The following PTH1R variants were observed in gnomAD, a reference collection of about 807,000 sequenced individuals.
The protein encoded by PTH1R is parathyroid hormone/parathyroid hormone-related peptide receptor.
In PTH1R, 32 loss-of-function variants were observed where a neutral mutation model predicts 70.7. The ratio of observed to expected loss-of-function variants is 0.45; its 90% CI spans 0.34 to 0.61. The LOEUF is 0.61. Among genes scored for constraint, PTH1R ranks in the 20% least tolerant of loss-of-function variants. The pLI, the probability that PTH1R is intolerant of heterozygous loss-of-function variation, is 0.01. For missense variants in PTH1R, 626 were observed against 792.5 expected, an observed-to-expected ratio of 0.79 and a Z score of 2.52; for synonymous variants, 329 against 324.8, an observed-to-expected ratio of 1.01 and a Z score of -0.14.
chr3:46,883,100 C>A lies in PTH1R; in HGVS notation c.-48-412C>A, dbSNP rs1051832286. 1.3e-5 allele frequency among the ~76,000 whole-genome samples: 2 copies of A among 151,574 alleles called. No individual in the cohort carries two copies. The highest frequency in any genetic ancestry group is 3.0e-5 in the Non-Finnish European group (2 of 67,768). On this transcript the variant is annotated intron_variant, in intron 2 of 15. Transcript: ENST00000449590. The surrounding 1 kb of genome is among the most constrained non-coding windows in gnomAD (Gnocchi z 6.4). ...CGACCCCTCCCCCGCCCCCTCCCCCCACTGGGCGTGGGGCGAAGCCACAGC... is the reference window on the plus strand; with the variant it reads ...CGACCCCTCCCCCGCCCCCTCCCCCAACTGGGCGTGGGGCGAAGCCACAGC...
rs763380608 is a variant in PTH1R, at chr3:46,899,469, A to G, written c.988+13A>G. ...GTCTTCGGCTGGGGTACGCGGGCAC[A>G]GCGGGTAGCGAGGTGCCGGCAGGGG... On this transcript the variant is annotated intron_variant, in intron 10 of 15. Transcript: ENST00000449590. The G allele has an allele frequency of 6.2e-7, 1 of 1,607,650 alleles. No individual in the cohort carries two copies. The highest frequency in any genetic ancestry group is 8.5e-7 in the Non-Finnish European group (1 of 1,176,832).
intron 5 of PTH1R, among the ~76,000 whole-genome samples, chr3:46,897,609 T>C (rs2031825668): frequency 6.6e-6 from 1 of 152,094 alleles, no homozygotes. Flanking sequence ...CGCATGCCTG[T>C]AATCCCAGCT....
chr3:46,895,161 T>A (rs1331467065), intron 4 of PTH1R, among the ~76,000 whole-genome samples: 1 of 149,852 alleles, frequency 6.7e-6, no homozygotes, highest in Admixed American at 6.6e-5. Flanking sequence ...ATTAGGCATC[T>A]CAACGGCCAC....
At position 46,893,380 on chromosome 3, in the gene PTH1R, C is replaced by T. The variant is rs537679964; in HGVS notation, c.76-527C>T. ...GGAGGGGAGGCATTGAGGCACTCACCGTTCACTGGGGACAGCATTGACTGG... is the reference window on the plus strand; with the variant it reads ...GGAGGGGAGGCATTGAGGCACTCACTGTTCACTGGGGACAGCATTGACTGG... On this transcript the variant is annotated intron_variant, in intron 3 of 15. Transcript: ENST00000449590. This position sits in a 1 kb window ranked among gnomAD's most constrained non-coding sequence, Gnocchi z 5.2. Among the ~76,000 whole-genome samples, 4 of 152,220 alleles carry T rather than the reference C, an allele frequency of 2.6e-5. No individual in the cohort carries two copies. Among genetic ancestry groups the T allele is most frequent in the East Asian group, 3.9e-4 (2 of 5,176 alleles).
At chr3:46,895,682 G>GA in intron 4 of PTH1R, 53 bp from the exon 5 acceptor site, 1 of 1,613,358 alleles carries the variant, frequency 6.2e-7, no homozygotes, top group Non-Finnish European at 8.5e-7. Context: ...AGTACCCTGG[G>GA]TCTCCTGTTG....
At chr3:46,885,414 A>G (rs1014980355) in intron 3 of PTH1R, among the ~76,000 whole-genome samples, 3 of 152,174 alleles carry the variant, frequency 2.0e-5, no homozygotes, top group Non-Finnish European at 4.4e-5. Context: ...TAGCTAGTCT[A>G]ATCCTCCCAA....
At chr3:46,900,622 TG>T (rs2032059631) in intron 10 of PTH1R, among the ~76,000 whole-genome samples, 2 of 151,788 alleles carry the variant, frequency 1.3e-5, no homozygotes, top group East Asian at 1.9e-4. Context: ...AACCAGGTTG[TG>T]GGGGGTGCTG....
In PTH1R at chr3:46,879,263, AG is replaced by A. The variant is rs2030411530; in HGVS notation, c.-106+1421del. Reference sequence around the variant, plus strand: ...GCCCACCCTCATCCTCCCAAGTACAAGTAGTATGTTTCCAAATCTCAAGTTT... The same window carrying A: ...GCCCACCCTCATCCTCCCAAGTACAATAGTATGTTTCCAAATCTCAAGTTT... On this transcript the variant is annotated intron_variant, in intron 1 of 15. Coordinates refer to ENST00000449590, the MANE Select transcript of PTH1R (RefSeq NM_000316.3). This position sits in a 1 kb window ranked among gnomAD's most constrained non-coding sequence, Gnocchi z 4.7. Among the ~76,000 whole-genome samples the A allele has an allele frequency of 6.6e-6, 1 of 152,158 alleles. No homozygotes were observed. Among genetic ancestry groups the A allele is most frequent in the Middle Eastern group, 3.2e-3 (1 of 316 alleles).
Position 46,895,634 on chromosome 3 carries a change from A to ACC in PTH1R, c.179-95_179-94dup, listed in dbSNP as rs917584495. 3.2e-6 allele frequency: 5 copies of ACC among 1,579,102 alleles called. No homozygotes were observed. In the African/African-American group the frequency reaches 4.1e-5, roughly 13 times the overall value. On this transcript the variant is annotated intron_variant, in intron 4 of 15. Coordinates refer to ENST00000449590, the MANE Select transcript of PTH1R (RefSeq NM_000316.3). The stretch of plus-strand genomic sequence containing the variant: ...CTAGGTGTCACCAGGGCAGGAGACA[A>ACC]CCCCCCCATTGTACAAAGGGGGAGT...
At chr3:46,895,922 C>T (rs978136406) in intron 5 of PTH1R, 53 bp downstream of exon 5, 1 of 1,587,736 alleles carries the variant, frequency 6.3e-7, no homozygotes, top group African/African-American at 1.3e-5. Flanking sequence ...TCCACCCACC[C>T]CCATTGCACT....
chr3:46,886,540 G>A (rs993967726), intron 3 of PTH1R, among the ~76,000 whole-genome samples: 4 of 152,168 alleles, frequency 2.6e-5, no homozygotes, highest in Non-Finnish European at 5.9e-5. Flanking sequence ...TGTATTTTTA[G>A]TAGAGATGGA....
chr3:46,900,908 C>T, intron 10 of PTH1R, 117 bp from the exon 11 acceptor site: 4 of 1,138,988 alleles, frequency 3.5e-6, no homozygotes, highest in Non-Finnish European at 5.2e-6. Flanking sequence ...ACCAAGTGCC[C>T]AGTGTCAGGG....
At position 46,892,546 on chromosome 3, in the gene PTH1R, A is replaced by G. The variant is rs1328754559; in HGVS notation, c.76-1361A>G. Among the ~76,000 whole-genome samples the G allele has an allele frequency of 6.6e-6, 1 of 152,212 alleles. No individual in the cohort carries two copies. The highest frequency in any genetic ancestry group is 2.4e-5 in the African/African-American group (1 of 41,454). ...GCAGAACCCAAGGCCGGCCGAGCCA[A>G]TTGGAGACTCCTTGGCCCTGGAAGC... On this transcript the variant is annotated intron_variant, in intron 3 of 15. Coordinates refer to ENST00000449590, the MANE Select transcript of PTH1R (RefSeq NM_000316.3). This position sits in a 1 kb window ranked among gnomAD's most constrained non-coding sequence, Gnocchi z 5.2.
In PTH1R at chr3:46,883,472, G is replaced by A. The variant is rs1457535521; in HGVS notation, c.-48-40G>A. On this transcript the variant is annotated intron_variant, in intron 2 of 15. Coordinates refer to ENST00000449590, the MANE Select transcript of PTH1R (RefSeq NM_000316.3). This position sits in a 1 kb window ranked among gnomAD's most constrained non-coding sequence, Gnocchi z 6.4. ...CCATAGGCCGGGGCGTGGGCGGGGC[G>A]GCCAGCCTGACGCAGCTCTGCACCC... 8.7e-7 allele frequency: 1 copy of A among 1,151,764 alleles called. No individual in the cohort carries two copies. Among genetic ancestry groups the A allele is most frequent in the Admixed American group, 4.2e-5 (1 of 23,532 alleles). 71.3% of individuals were successfully genotyped at this position (1,151,764 alleles called of 1,614,324 possible).
Position 46,883,263 on chromosome 3 carries a change from C to G in PTH1R, c.-48-249C>G, listed in dbSNP as rs1379326587. Reference sequence around the variant, plus strand: ...TGTGATTTCTTCGCTCCGAGGCAGACGGGCCGCTCCGCAGCGCTCGGCGCC... The same window carrying G: ...TGTGATTTCTTCGCTCCGAGGCAGAGGGGCCGCTCCGCAGCGCTCGGCGCC... On this transcript the variant is annotated intron_variant, in intron 2 of 15. Transcript: ENST00000449590. The surrounding 1 kb of genome is among the most constrained non-coding windows in gnomAD (Gnocchi z 6.4). 1.5e-5 allele frequency: 4 copies of G among 264,374 alleles called. No individual in the cohort carries two copies. The East Asian group carries it at 2.8e-4, about 18-fold the overall frequency. The allele number at this position is 264,374 out of a possible 1,614,324, so 16.4% of individuals were successfully genotyped here.
rs375241177 is a variant in PTH1R at position 46,898,484 on chromosome 3, G to A, written c.638+12G>A. ...CTGGCCTACTTTAGGTGGGCGGGGC[G>A]GGGCGAGAGGCGGCGGGACATGGTG... On this transcript the variant is annotated intron_variant, in intron 8 of 15. Coordinates refer to ENST00000449590, the MANE Select transcript of PTH1R (RefSeq NM_000316.3). 132 of 1,613,438 alleles carry A rather than the reference G, an allele frequency of 8.2e-5. No individual in the cohort carries two copies. The highest frequency in any genetic ancestry group is 1.1e-4 in the Non-Finnish European group (126 of 1,179,804).
Position 46,898,359 on chromosome 3 carries a change from C to T in PTH1R, c.544-19C>T. 6.2e-7 allele frequency: 1 copy of T among 1,612,444 alleles called. No homozygotes were observed. Among genetic ancestry groups the T allele is most frequent in the Non-Finnish European group, 8.5e-7 (1 of 1,178,562 alleles). On this transcript the variant is annotated intron_variant, in intron 7 of 15. Coordinates refer to ENST00000449590, the MANE Select transcript of PTH1R (RefSeq NM_000316.3). Reference sequence around the variant, plus strand: ...CTGGGTCCCAGGGCTCTGACTGTGTCTCCCCCCGCCCCGCACAGGAGGTGT... The same window carrying T: ...CTGGGTCCCAGGGCTCTGACTGTGTTTCCCCCCGCCCCGCACAGGAGGTGT...
In PTH1R at chr3:46,879,619, T is replaced by A. The variant is rs1357673121; in HGVS notation, c.-105-1443T>A. Among the ~76,000 whole-genome samples, 1 of 152,144 alleles carries A rather than the reference T, an allele frequency of 6.6e-6. No individual in the cohort carries two copies. Among genetic ancestry groups the A allele is most frequent in the African/African-American group, 2.4e-5 (1 of 41,416 alleles). On this transcript the variant is annotated intron_variant, in intron 1 of 15. Coordinates refer to ENST00000449590, the MANE Select transcript of PTH1R (RefSeq NM_000316.3). The surrounding 1 kb of genome is among the most constrained non-coding windows in gnomAD (Gnocchi z 4.7). ...TTAATTACCCAGGTGTGGTAGCTCA[T>A]GCCTGTGGTGCCAGCTACATGAGAG...
Position 46,903,147 on chromosome 3 carries a change from C to T in PTH1R, c.1396-123C>T. On this transcript the variant is annotated intron_variant, in intron 15 of 15. Transcript: ENST00000449590. The surrounding 1 kb of genome is among the most constrained non-coding windows in gnomAD (Gnocchi z 4.4). ...GTTGTGAGGATGGGATTTCACTTGG[C>T]CTTGGAGTTTCCCAGGAGTCCCCTA... 12 of 1,521,082 alleles carry T rather than the reference C, an allele frequency of 7.9e-6. No homozygotes were observed. The highest frequency in any genetic ancestry group is 9.8e-6 in the Non-Finnish European group (11 of 1,124,818). The allele number at this position is 1,521,082 out of a possible 1,614,324, so 94.2% of individuals were successfully genotyped here. A position where few individuals can be genotyped will look rare whatever the true frequency, so the allele number is the denominator to read the frequency against.
Sources: gnomAD v4.1 joint callset for allele counts (sites outside exome capture counted in the v4.1 genomes callset) on GRCh38, gnomAD v4.1.1 for gene constraint, Gnocchi (gnomAD v3.1) non-coding constraint, MANE v1.5 for transcripts, NCBI Gene and HGNC (gene_info 2026-07-23, HGNC 2026-07-21) for gene names.